The following ZNF724 variants were observed in gnomAD, a reference collection of about 807,000 sequenced individuals.
ZNF724 encodes zinc finger protein 724 pseudogene.
ZNF724 carries 14 observed loss-of-function variants against 29.3 expected under a neutral mutation model. That is an observed-to-expected ratio of 0.48 (90% confidence interval 0.32 to 0.75). The LOEUF is 0.75. Among genes scored for constraint, ZNF724 ranks in the 30% least tolerant of loss-of-function variants. The pLI is 0.04. For synonymous variants in ZNF724, 180 were observed against 193.6 expected (o/e 0.93, Z 0.58); for missense variants, 557 against 571.2 (o/e 0.98, Z 0.25).
At chr19:23,243,053 AAAAAAG>A (rs58241277) in intron 1 of ZNF724, among the ~76,000 whole-genome samples, 42,865 of 101,364 alleles carry the variant, frequency 0.42, 8,333 homozygotes, top group South Asian at 0.58. Flanking sequence ...AAAAAAAAAA[AAAAAAG>A]AAAGAAAGAA....
At chr19:23,237,452 T>TTAATG (rs1972039735) in intron 1 of ZNF724, among the ~76,000 whole-genome samples, 1 of 152,114 alleles carries the variant, frequency 6.6e-6, no homozygotes, top group Non-Finnish European at 1.5e-5. Flanking sequence ...ATAAATAATT[T>TTAATG]TAATGTACTA....
chr19:23,227,555 C>CAAAAAAAAAAAAAA (rs1370441801), intron 3 of ZNF724, among the ~76,000 whole-genome samples: 5 of 76,022 alleles, frequency 6.6e-5, no homozygotes, highest in East Asian at 5.3e-4. Context: ...GGCTCCATCT[C>CAAAAAAAAAAAAAA]AAAAAAAAAA....
chr19:23,249,285 C>T (rs1225673765), intron 1 of ZNF724, among the ~76,000 whole-genome samples: 2 of 150,630 alleles, frequency 1.3e-5, no homozygotes, highest in Non-Finnish European at 3.0e-5. Flanking sequence ...ACTCTGTCGC[C>T]CAGGCTGGAG....
intron 1 of ZNF724, among the ~76,000 whole-genome samples, chr19:23,240,948 G>A (rs1208515166): frequency 2.0e-5 from 3 of 151,924 alleles, no homozygotes; most frequent in African/African-American, 7.3e-5. Flanking sequence ...TAGGAAAATT[G>A]CTTAAACCCC....
chr19:23,240,025 CA>C (rs1037939607), intron 1 of ZNF724, among the ~76,000 whole-genome samples: 13 of 152,006 alleles, frequency 8.6e-5, no homozygotes, highest in African/African-American at 3.1e-4. Context: ...AAAATGACAA[CA>C]GGGGGCCAGG....
chr19:23,227,083 A>T (rs1971844150), intron 3 of ZNF724, among the ~76,000 whole-genome samples: 1 of 152,206 alleles, frequency 6.6e-6, no homozygotes, highest in African/African-American at 2.4e-5. Context: ...GAAGGCAGGT[A>T]TTATGAATCA....
chr19:23,249,376 G>A (rs1306410427), intron 1 of ZNF724, among the ~76,000 whole-genome samples: 1 of 150,454 alleles, frequency 6.6e-6, no homozygotes, highest in East Asian at 2.0e-4. Context: ...GAGTGGCTGG[G>A]ATTACAAGCA....
intron 1 of ZNF724, among the ~76,000 whole-genome samples, chr19:23,245,210 A>G (rs1314214674): frequency 6.6e-6 from 1 of 152,222 alleles, no homozygotes; most frequent in Non-Finnish European, 1.5e-5. Context: ...TGGTCAAAAT[A>G]AAATACTACT....
chr19:23,237,191 T>G (rs1046135885), intron 1 of ZNF724, among the ~76,000 whole-genome samples: 1 of 152,114 alleles, frequency 6.6e-6, no homozygotes, highest in Non-Finnish European at 1.5e-5. Context: ...GAATCTGACT[T>G]TGTTTATATA....
intron 1 of ZNF724, among the ~76,000 whole-genome samples, chr19:23,249,656 C>G (rs1301133221): frequency 6.6e-6 from 1 of 152,092 alleles, no homozygotes; most frequent in African/African-American, 2.4e-5. Flanking sequence ...ACCTCGGCCT[C>G]CCAAAGTGCT....
At chr19:23,246,516 G>A (rs1437648323) in intron 1 of ZNF724, among the ~76,000 whole-genome samples, 3 of 152,022 alleles carry the variant, frequency 2.0e-5, no homozygotes, top group Non-Finnish European at 2.9e-5. Context: ...TTAGCTGGGC[G>A]TGGTGGCATG....
chr19:23,239,041 T>G (rs1972070202), intron 1 of ZNF724, among the ~76,000 whole-genome samples: 2 of 152,034 alleles, frequency 1.3e-5, no homozygotes, highest in Non-Finnish European at 1.5e-5. Context: ...GAGAAAGGTG[T>G]TCTAAAAAAA....
At chr19:23,231,065 T>G (rs1971926670) in intron 3 of ZNF724, 1 of 319,410 alleles carries the variant, frequency 3.1e-6, no homozygotes, top group South Asian at 6.0e-5. Context: ...GTATTTTTAG[T>G]AAAGACGGGG....
intron 1 of ZNF724, among the ~76,000 whole-genome samples, chr19:23,243,350 C>T (rs1368912474): frequency 1.3e-5 from 2 of 151,338 alleles, no homozygotes; most frequent in Non-Finnish European, 2.9e-5. Context: ...TGGTGGCTTG[C>T]CTGTAATCCC....
At chr19:23,233,851 T>G (rs1971981583) in intron 1 of ZNF724, among the ~76,000 whole-genome samples, 2 of 151,922 alleles carry the variant, frequency 1.3e-5, no homozygotes, top group Non-Finnish European at 2.9e-5. Flanking sequence ...TTGGATTTAT[T>G]TTCAGATGAG....
At chr19:23,232,055 A>T (rs1971943397) in intron 2 of ZNF724, 112 bp downstream of exon 2, 1 of 961,886 alleles carries the variant, frequency 1.0e-6, no homozygotes, top group African/African-American at 1.6e-5. Flanking sequence ...TTTCTTAGAA[A>T]TAGAGATCTG....
intron 1 of ZNF724, among the ~76,000 whole-genome samples, chr19:23,234,636 G>T (rs548325066): frequency 6.6e-6 from 1 of 152,242 alleles, no homozygotes; most frequent in East Asian, 1.9e-4. Context: ...ACTTTTAGTA[G>T]AGACGGGATT....
intron 3 of ZNF724, among the ~76,000 whole-genome samples, chr19:23,226,993 C>G (rs1393087070): frequency 7.6e-6 from 1 of 132,364 alleles, no homozygotes; most frequent in African/African-American, 3.1e-5. Flanking sequence ...TACTCAAACT[C>G]TGGTAAGCAA....
chr19:23,232,095 A>G, intron 2 of ZNF724, 72 bp downstream of exon 2: 1 of 1,169,690 alleles, frequency 8.5e-7, no homozygotes, highest in Non-Finnish European at 1.3e-6. Flanking sequence ...TCAATTACCA[A>G]AAAACATCCT....
Sources: allele counts gnomAD v4.1 joint callset (sites outside exome capture counted in the v4.1 genomes callset), GRCh38; gene constraint gnomAD v4.1.1; transcripts MANE v1.5; gene names NCBI Gene and HGNC (gene_info 2026-07-23, HGNC 2026-07-21).